The following LMTK3 variants were observed in gnomAD, a reference collection of about 807,000 sequenced individuals.
LMTK3 encodes the protein serine/threonine-protein kinase LMTK3.
In LMTK3, 27 loss-of-function variants were observed where a neutral mutation model predicts 116.7. The observed-to-expected ratio is 0.23, with a 90% CI of 0.17 to 0.32. The LOEUF (loss-of-function observed/expected upper bound fraction) is 0.32, where lower values mean the gene tolerates loss of function less well. LMTK3 is among the 10% of genes least tolerant of loss of function. The pLI is 1.00. For missense variants in LMTK3, 1,764 were observed against 2,068.5 expected (o/e 0.85, Z 2.86); for synonymous variants, 965 against 971.0 (o/e 0.99, Z 0.11).
At chr19:48,495,683 C>G (rs918141779) in intron 11 of LMTK3, among the ~76,000 whole-genome samples, 1 of 152,222 alleles carries the variant, frequency 6.6e-6, no homozygotes, top group Non-Finnish European at 1.5e-5. Flanking sequence ...ACAGGCTCCT[C>G]TATGGAGATG....
chr19:48,493,712 G>T lies in LMTK3; in HGVS notation c.4074C>A (p.Thr1358=). Residue 1358 remains threonine (T), a synonymous_variant, in exon 12 of 15, where the codon ACC becomes ACA. Coordinates refer to ENST00000600059, the MANE Select transcript of LMTK3 (RefSeq NM_001388485.1). The part of the protein sequence containing the change: ...RKMVSFHGDV[T]VYLFDQETPT... ...TCCGCACCTGGTCGAAGAGGTAGACGGTCACGTCCCCGTGGAAGGAGACCA... is the reference window on the plus strand; with the variant it reads ...TCCGCACCTGGTCGAAGAGGTAGACTGTCACGTCCCCGTGGAAGGAGACCA... 1 of 1,576,250 alleles carries T rather than the reference G, an allele frequency of 6.3e-7. No individual in the cohort carries two copies. Among genetic ancestry groups the T allele is most frequent in the South Asian group, 1.2e-5 (1 of 85,896 alleles).
intron 1 of LMTK3, 102 bp from the exon 2 acceptor site, chr19:48,510,694 T>A (rs961127965): frequency 4.0e-5 from 53 of 1,324,556 alleles, no homozygotes; most frequent in East Asian, 1.9e-4. Flanking sequence ...ACTCCCGTGA[T>A]GCTCTGCGAC....
Position 48,499,214 on chromosome 19 carries a change from C to G in LMTK3, c.1855G>C (p.Glu619Gln). The G allele has an allele frequency of 2.2e-6, 3 of 1,393,518 alleles. No individual in the cohort carries two copies. The highest frequency in any genetic ancestry group is 2.8e-6 in the Non-Finnish European group (3 of 1,068,884). 86.3% of individuals were successfully genotyped at this position (1,393,518 alleles called of 1,614,324 possible). The change falls in exon 11 of 15, where the codon GAG (glutamate) becomes CAG (glutamine). Residue 619 changes from glutamate to glutamine, a missense_variant. By Grantham distance (29) the Glu-to-Gln change is conservative (BLOSUM62 2). Around this residue, in one of 7 missense-constraint regions of LMTK3, gnomAD observed 1,028 missense variants for 1,050.6 expected, o/e 0.98. Coordinates refer to ENST00000600059, the MANE Select transcript of LMTK3 (RefSeq NM_001388485.1). ...TCGGCAGGGTCTCCCGCCAGGGTCT[C>G]CCCGGCGCCCCGGCCCTCGGGGTCC... Reference protein sequence around the residue: ...GWDPEGRGAGETLAGDPAEVL... With the variant: ...GWDPEGRGAGQTLAGDPAEVL...
chr19:48,500,904 G>A lies in LMTK3; in HGVS notation c.1151+92C>T. ...TCTTGAGGGGTATGGAGGGCAAACG[G>A]GATGTGGGTGATGTGGGAAACGAGG... On this transcript the variant is annotated intron_variant, in intron 10 of 14. Transcript: ENST00000600059. The surrounding 1 kb of genome is among the most constrained non-coding windows in gnomAD (Gnocchi z 4.0). 2 of 1,303,348 alleles carry A rather than the reference G, an allele frequency of 1.5e-6. No homozygotes were observed. Among genetic ancestry groups the A allele is most frequent in the East Asian group, 5.2e-5 (2 of 38,790 alleles). The allele number at this position is 1,303,348 out of a possible 1,614,324, so 80.7% of individuals were successfully genotyped here.
In LMTK3 at chr19:48,499,558, G is replaced by A. The variant is rs975959770; in HGVS notation, c.1511C>T (p.Pro504Leu). ...APAWQPASAP[P>L]APHANPSNPF... ...GTTGGAGGGGTTGGCGTGGGGGGCC[G>A]GGGGGGCCGACGCCGGCTGCCAGGC... The change falls in exon 11 of 15, where the codon CCG becomes CTG. Residue 504 changes from proline (P) to leucine (L), a missense_variant. Coordinates refer to ENST00000600059, the MANE Select transcript of LMTK3 (RefSeq NM_001388485.1). 56 of 1,489,052 alleles carry A rather than the reference G, an allele frequency of 3.8e-5. No individual in the cohort carries two copies. Among genetic ancestry groups the A allele is most frequent in the Non-Finnish European group, 4.6e-5 (51 of 1,114,066 alleles). The allele number at this position is 1,489,052 out of a possible 1,614,324, so 92.2% of individuals were successfully genotyped here.
chr19:48,511,712 CAG>C lies in LMTK3; in HGVS notation c.-138_-137del. 1 of 451,680 alleles carries C rather than the reference CAG, an allele frequency of 2.2e-6. No homozygotes were observed. The highest frequency in any genetic ancestry group is 4.7e-5 in the South Asian group (1 of 21,352). The allele number at this position is 451,680 out of a possible 1,614,324, so 28.0% of individuals were successfully genotyped here. Reference sequence around the variant, plus strand: ...CAGGAGAGGGGCAGGAGACGCAGGACAGGGGGAGGGAGGGGCTGCTTGCTGGC... The same window carrying C: ...CAGGAGAGGGGCAGGAGACGCAGGACGGGGAGGGAGGGGCTGCTTGCTGGC... On this transcript the variant is annotated 5_prime_UTR_variant, in exon 1 of 15. Coordinates refer to ENST00000600059, the MANE Select transcript of LMTK3 (RefSeq NM_001388485.1).
At position 48,485,628 on chromosome 19, in the gene LMTK3, G is replaced by T; in HGVS notation, c.*145C>A. 1.1e-6 allele frequency: 1 copy of T among 887,358 alleles called. No homozygotes were observed. Among genetic ancestry groups the T allele is most frequent in the Non-Finnish European group, 1.8e-6 (1 of 565,404 alleles). The allele number at this position is 887,358 out of a possible 1,614,324, so 55.0% of individuals were successfully genotyped here. On this transcript the variant is annotated 3_prime_UTR_variant, in exon 15 of 15. Transcript: ENST00000600059. ...CCCGGGGCCTCCCGTTTGGCACATGGTAGGGGAGTGGGAGGGGGAGGGCCC... is the reference window on the plus strand; with the variant it reads ...CCCGGGGCCTCCCGTTTGGCACATGTTAGGGGAGTGGGAGGGGGAGGGCCC...
In LMTK3 at chr19:48,501,852, C is replaced by A. The variant is rs563628353; in HGVS notation, c.795-290G>T. ...CCTGCTTCTCTGTTGACTCCTCCCC[C>A]TCCTCTCCCAGCCACCTCTCCTCAT... is the stretch of plus-strand genomic sequence containing the variant. On this transcript the variant is annotated intron_variant, in intron 7 of 14. Transcript: ENST00000600059. Among the ~76,000 whole-genome samples, 8 of 151,426 alleles carry A rather than the reference C, an allele frequency of 5.3e-5. No individual in the cohort carries two copies. In the South Asian group the frequency reaches 1.7e-3, roughly 32 times the overall value.
chr19:48,498,795 TGGC>T lies in LMTK3; in HGVS notation c.2271_2273del (p.Pro760del), dbSNP rs1446361458. On this transcript the variant is annotated inframe_deletion, in exon 11 of 15. Coordinates refer to ENST00000600059, the MANE Select transcript of LMTK3 (RefSeq NM_001388485.1). ...CCGGGTCCGCGGGGGCCCGAGGAGGTGGCGGCGGGGGGGGGGGAGCGGGAGGTG... is the reference window on the plus strand; with the variant it reads ...CCGGGTCCGCGGGGGCCCGAGGAGGTGGCGGGGGGGGGGGAGCGGGAGGTG... 1.4e-4 allele frequency: 10 copies of T among 70,554 alleles called. No individual in the cohort carries two copies. The African/African-American group carries it at 1.9e-3, about 13-fold the overall frequency. 4.4% of individuals were successfully genotyped at this position (70,554 alleles called of 1,614,324 possible).
chr19:48,505,128 T>A (rs1389330817), intron 5 of LMTK3, among the ~76,000 whole-genome samples: 1 of 142,576 alleles, frequency 7.0e-6, no homozygotes, highest in African/African-American at 2.7e-5. Context: ...TTTTTTTTTT[T>A]TATGAGACAG....
intron 14 of LMTK3, among the ~76,000 whole-genome samples, chr19:48,489,366 A>G (rs933326468): frequency 6.6e-6 from 1 of 152,160 alleles, no homozygotes; most frequent in African/African-American, 2.4e-5. Flanking sequence ...TGAGGTCTGG[A>G]GTTCAAGACC....
chr19:48,509,539 C>G (rs1234118443), intron 3 of LMTK3, 26 bp from the exon 4 acceptor site: 25 of 1,530,622 alleles, frequency 1.6e-5, no homozygotes, highest in Non-Finnish European at 2.2e-5. Flanking sequence ...GGGGAAAGCC[C>G]CTGAGTCTCT....
rs780175165 is a variant in LMTK3, at chr19:48,499,960, G to A, written c.1152-43C>T. On this transcript the variant is annotated intron_variant, in intron 10 of 14. Coordinates refer to ENST00000600059, the MANE Select transcript of LMTK3 (RefSeq NM_001388485.1). The stretch of plus-strand genomic sequence containing the variant: ...AGAGTGAGCAGGGCAGAGACCCAGG[G>A]AGGGGAAAGAGACCCAGGGAGGGGA... 6.6e-6 allele frequency: 10 copies of A among 1,519,548 alleles called. No homozygotes were observed. The African/African-American group carries it at 1.4e-4, about 21-fold the overall frequency. 94.1% of individuals were successfully genotyped at this position (1,519,548 alleles called of 1,614,324 possible).
intron 11 of LMTK3, among the ~76,000 whole-genome samples, chr19:48,495,219 A>T (rs1445731774): frequency 6.6e-6 from 1 of 152,064 alleles, no homozygotes; most frequent in Non-Finnish European, 1.5e-5. Flanking sequence ...CATGTTGGCC[A>T]GGCTGGTCTC....
rs1310257157 is a variant in LMTK3 at position 48,507,795 on chromosome 19, A to G, written c.557+1056T>C. ...CCATCTTAGCTTAAATGTAATAGGC[A>G]TATGTGGCCAGTGTTTGCTGGCACA... is the stretch of plus-strand genomic sequence containing the variant. On this transcript the variant is annotated intron_variant, in intron 5 of 14. Transcript: ENST00000600059. Among the ~76,000 whole-genome samples the G allele has an allele frequency of 3.3e-5, 5 of 152,154 alleles. No individual in the cohort carries two copies. The East Asian group carries it at 7.7e-4, about 23-fold the overall frequency.
intron 5 of LMTK3, among the ~76,000 whole-genome samples, chr19:48,504,207 A>C (rs1053935519): frequency 2.0e-5 from 3 of 152,088 alleles, no homozygotes; most frequent in Non-Finnish European, 4.4e-5. Context: ...CCCTCCTCTC[A>C]TCAGAGTTCT....
intron 1 of LMTK3, among the ~76,000 whole-genome samples, 183 bp from the exon 2 acceptor site, chr19:48,510,775 T>C (rs1022124331): frequency 1.3e-5 from 2 of 152,138 alleles, no homozygotes; most frequent in African/African-American, 2.4e-5. Context: ...CCTTCCCAAG[T>C]GGTTGGATTG....
intron 5 of LMTK3, among the ~76,000 whole-genome samples, chr19:48,505,565 T>TA (rs891682915): frequency 1.6e-4 from 24 of 151,648 alleles, no homozygotes; most frequent in African/African-American, 4.8e-4. Flanking sequence ...TCTCTACAAT[T>TA]AAAAAAAATA....
chr19:48,488,018 T>G (rs1393030601), intron 14 of LMTK3, among the ~76,000 whole-genome samples: 1 of 152,108 alleles, frequency 6.6e-6, no homozygotes, highest in Non-Finnish European at 1.5e-5. Flanking sequence ...GCTCAGCAGC[T>G]CGCAGCCCAC....
Sources: allele counts gnomAD v4.1 joint callset (sites outside exome capture counted in the v4.1 genomes callset), GRCh38; gene constraint gnomAD v4.1.1; regional missense constraint gnomAD v4.1.1; non-coding constraint Gnocchi (gnomAD v3.1); transcripts MANE v1.5; gene names NCBI Gene and HGNC (gene_info 2026-07-23, HGNC 2026-07-21).